The following SLC33A1 variants were observed in gnomAD, a reference collection of about 807,000 sequenced individuals.
SLC33A1 encodes solute carrier family 33 member 1.
SLC33A1 carries 20 observed loss-of-function variants against 50.0 expected under a neutral mutation model. The ratio of observed to expected loss-of-function variants is 0.40; its 90% confidence interval spans 0.28 to 0.58. The LOEUF is 0.58. Ranked by LOEUF, SLC33A1 falls within the 20% of genes least tolerant of loss-of-function variation. The pLI, the probability that SLC33A1 is intolerant of heterozygous loss-of-function variation, is 0.44. For missense variants in SLC33A1, 476 were observed against 657.0 expected (o/e 0.72, Z 3.01); for synonymous variants, 265 against 251.8 (o/e 1.05, Z -0.50).
intron 1 of SLC33A1, among the ~76,000 whole-genome samples, chr3:155,846,827 G>GA (rs1753195014): frequency 6.6e-6 from 1 of 152,048 alleles, no homozygotes; most frequent in Non-Finnish European, 1.5e-5. Context: ...TATGCCAAAG[G>GA]AAATTCAAAT....
intron 1 of SLC33A1, among the ~76,000 whole-genome samples, chr3:155,851,137 A>C (rs1753383003): frequency 6.6e-6 from 1 of 151,790 alleles, no homozygotes; most frequent in Non-Finnish European, 1.5e-5. Flanking sequence ...ACTACTCAGG[A>C]GGCTGAGGCA....
rs572176877 is a variant in SLC33A1, at chr3:155,823,014, T to C, written c.*5196A>G. On this transcript the variant is annotated 3_prime_UTR_variant, in exon 6 of 6. Coordinates refer to ENST00000643144, the MANE Select transcript of SLC33A1 (RefSeq NM_004733.4). Reference sequence around the variant, plus strand: ...TACACCCAGCCCATAGACTTTTCATTTACTATATAAAGTCTTTTTCTCCTA... The same window carrying C: ...TACACCCAGCCCATAGACTTTTCATCTACTATATAAAGTCTTTTTCTCCTA... 1.3e-5 allele frequency: 2 copies of C among 152,194 alleles called. No homozygotes were observed. Among genetic ancestry groups the C allele is most frequent in the Non-Finnish European group, 2.9e-5 (2 of 68,040 alleles). The allele number at this position is 152,194 out of a possible 1,614,324, so 9.4% of individuals were successfully genotyped here.
chr3:155,845,864 T>A (rs1255806585), intron 1 of SLC33A1, among the ~76,000 whole-genome samples: 1 of 152,240 alleles, frequency 6.6e-6, no homozygotes, highest in African/African-American at 2.4e-5. Flanking sequence ...TTTATCATTA[T>A]TACCAAAAAT....
intron 1 of SLC33A1, among the ~76,000 whole-genome samples, chr3:155,851,329 A>G (rs1331992076): frequency 1.3e-5 from 2 of 151,940 alleles, no homozygotes; most frequent in Non-Finnish European, 2.9e-5. Context: ...CTGAAGCCAC[A>G]ATCTCCCGGG....
chr3:155,835,379 A>C (rs1752607850), intron 2 of SLC33A1, among the ~76,000 whole-genome samples: 1 of 152,216 alleles, frequency 6.6e-6, no homozygotes, highest in East Asian at 1.9e-4. Context: ...TGAGGGCAAA[A>C]GAGACCTCGG....
At chr3:155,846,544 C>T (rs1028983557) in intron 1 of SLC33A1, among the ~76,000 whole-genome samples, 10 of 151,714 alleles carry the variant, frequency 6.6e-5, no homozygotes, top group Non-Finnish European at 1.2e-4. Context: ...ACCTCCACCT[C>T]CCAGGTTCAA....
intron 5 of SLC33A1, 57 bp downstream of exon 5, chr3:155,829,631 A>T: frequency 8.3e-7 from 1 of 1,210,032 alleles, no homozygotes; most frequent in Non-Finnish European, 1.2e-6. Flanking sequence ...GAGACAAAAC[A>T]AAGATATTAA....
intron 2 of SLC33A1, 46 bp from the exon 3 acceptor site, chr3:155,834,087 ATATTTTCC>A: frequency 3.9e-6 from 6 of 1,528,544 alleles, no homozygotes; most frequent in Non-Finnish European, 5.4e-6. Flanking sequence ...GACTTATGAA[ATATTTTCC>A]TCCATGCATA....
rs1752077718 is a variant in SLC33A1 at position 155,821,109 on chromosome 3, A to C, written c.*7101T>G. 2 of 152,256 alleles carry C rather than the reference A, an allele frequency of 1.3e-5. No homozygotes were observed. The highest frequency in any genetic ancestry group is 4.1e-4 in the South Asian group (2 of 4,836). 9.4% of individuals were successfully genotyped at this position (152,256 alleles called of 1,614,324 possible). A position where few individuals can be genotyped will look rare whatever the true frequency, so the allele number is the denominator to read the frequency against. The stretch of plus-strand genomic sequence containing the variant: ...AAACACTGGATAATTTATTTCAAAT[A>C]TATTCCAAATACTTAAACACTGCAT... On this transcript the variant is annotated 3_prime_UTR_variant, in exon 6 of 6. Transcript: ENST00000643144.
Position 155,850,623 on chromosome 3 carries a change from T to C in SLC33A1, c.775+2600A>G, listed in dbSNP as rs539343000. Reference sequence around the variant, plus strand: ...ATTTTAATTTACACTGACTTATTCTTTTTTTTTTTTTGAGATGGAGCCTTG... The same window carrying C: ...ATTTTAATTTACACTGACTTATTCTCTTTTTTTTTTTGAGATGGAGCCTTG... On this transcript the variant is annotated intron_variant, in intron 1 of 5. Coordinates refer to ENST00000643144, the MANE Select transcript of SLC33A1 (RefSeq NM_004733.4). 6.1e-5 allele frequency among the ~76,000 whole-genome samples: 9 copies of C among 148,102 alleles called. No individual in the cohort carries two copies. The South Asian group carries it at 1.7e-3, about 28-fold the overall frequency.
Position 155,825,751 on chromosome 3 carries a change from A to C in SLC33A1, c.*2459T>G, listed in dbSNP as rs1161054941. The C allele has an allele frequency of 6.6e-6, 1 of 152,200 alleles. No individual in the cohort carries two copies. Among genetic ancestry groups the C allele is most frequent in the Non-Finnish European group, 1.5e-5 (1 of 68,028 alleles). The allele number at this position is 152,200 out of a possible 1,614,324, so 9.4% of individuals were successfully genotyped here. On this transcript the variant is annotated 3_prime_UTR_variant, in exon 6 of 6. Transcript: ENST00000643144. ...ATATGATGCATTAACTGGAGGAGTT[A>C]AAAGTCCATACTTGAAGGTACTGTT...
At position 155,833,457 on chromosome 3, in the gene SLC33A1, T is replaced by C; in HGVS notation, c.1266+11A>G. The stretch of plus-strand genomic sequence containing the variant: ...ACAGTTTATTTCCTGAGAAAACCAC[T>C]GCAAGCTTACCTGATGTAAAGCATA... On this transcript the variant is annotated intron_variant, in intron 4 of 5. Transcript: ENST00000643144. 3 of 1,256,798 alleles carry C rather than the reference T, an allele frequency of 2.4e-6. No individual in the cohort carries two copies. Among genetic ancestry groups the C allele is most frequent in the Non-Finnish European group, 3.5e-6 (3 of 853,862 alleles). The allele number at this position is 1,256,798 out of a possible 1,614,324, so 77.9% of individuals were successfully genotyped here.
chr3:155,826,400 A>C lies in SLC33A1; in HGVS notation c.*1810T>G, dbSNP rs773121250. 6 of 152,132 alleles carry C rather than the reference A, an allele frequency of 3.9e-5. No individual in the cohort carries two copies. Among genetic ancestry groups the C allele is most frequent in the Non-Finnish European group, 7.3e-5 (5 of 68,028 alleles). The allele number at this position is 152,132 out of a possible 1,614,324, so 9.4% of individuals were successfully genotyped here. ...AGACTCTGTCTCAATTAAAAAAAAA[A>C]AAAACTATGTTTGAAAGTATATATA... is the stretch of plus-strand genomic sequence containing the variant. On this transcript the variant is annotated 3_prime_UTR_variant, in exon 6 of 6. Transcript: ENST00000643144.
intron 2 of SLC33A1, among the ~76,000 whole-genome samples, chr3:155,841,651 T>C (rs565891522): frequency 6.6e-6 from 1 of 152,292 alleles, no homozygotes; most frequent in South Asian, 2.1e-4. Flanking sequence ...TCCCCGTTTC[T>C]CGTATAATTT....
intron 2 of SLC33A1, among the ~76,000 whole-genome samples, chr3:155,836,490 TAC>T (rs1752687322): frequency 1.3e-5 from 2 of 151,998 alleles, no homozygotes; most frequent in Non-Finnish European, 2.9e-5. Context: ...AAATAAGACA[TAC>T]AAACTGACTT....
chr3:155,848,636 C>T (rs1036005602), intron 1 of SLC33A1, among the ~76,000 whole-genome samples: 2 of 152,072 alleles, frequency 1.3e-5, no homozygotes. Context: ...GAGCAGAGAT[C>T]GCACCACTGC....
At chr3:155,852,685 T>C (rs1753444443) in intron 1 of SLC33A1, among the ~76,000 whole-genome samples, 1 of 152,262 alleles carries the variant, frequency 6.6e-6, no homozygotes, top group Non-Finnish European at 1.5e-5. Context: ...CTGGCAACTC[T>C]GAACTCTCCT....
chr3:155,843,410 A>G (rs1753005501), intron 1 of SLC33A1, among the ~76,000 whole-genome samples: 1 of 152,156 alleles, frequency 6.6e-6, no homozygotes, highest in African/African-American at 2.4e-5. Flanking sequence ...TTCTCATCTC[A>G]ATAATATGAT....
intron 1 of SLC33A1, among the ~76,000 whole-genome samples, chr3:155,849,424 T>C (rs1273213573): frequency 6.6e-6 from 1 of 152,108 alleles, no homozygotes; most frequent in Non-Finnish European, 1.5e-5. Context: ...ATGTTATAAA[T>C]GTGGTATGTT....
Sources: allele counts gnomAD v4.1 joint callset (sites outside exome capture counted in the v4.1 genomes callset), GRCh38; gene constraint gnomAD v4.1.1; transcripts MANE v1.5; gene names NCBI Gene and HGNC (gene_info 2026-07-23, HGNC 2026-07-21).